The following CCDC93 variants were observed in gnomAD, a reference collection of about 807,000 sequenced individuals.
The protein encoded by CCDC93 is coiled-coil domain-containing protein 93.
A neutral mutation model predicts 108.2 loss-of-function variants in CCDC93; 61 were observed. The observed-to-expected ratio is 0.56, with a 90% CI of 0.46 to 0.70. The LOEUF (loss-of-function observed/expected upper bound fraction) is 0.70, where lower values mean the gene tolerates loss of function less well. Among genes scored for constraint, CCDC93 ranks in the 30% least tolerant of loss-of-function variants. CCDC93 has a pLI of 0.00. For missense variants in CCDC93, 685 were observed against 764.2 expected (o/e 0.90, Z 1.22); for synonymous variants, 276 against 260.4 (o/e 1.06, Z -0.58).
intron 11 of CCDC93, among the ~76,000 whole-genome samples, chr2:117,959,488 G>A (rs1573489969): frequency 6.6e-6 from 1 of 152,188 alleles, no homozygotes; most frequent in Non-Finnish European, 1.5e-5. Context: ...TCCTAGGCTT[G>A]AAAGTCTAAG....
chr2:117,968,651 A>G (rs1446916204), intron 11 of CCDC93, among the ~76,000 whole-genome samples: 1 of 152,208 alleles, frequency 6.6e-6, no homozygotes, highest in Non-Finnish European at 1.5e-5. Context: ...AATACTGCAC[A>G]TGTTTTTTAC....
In CCDC93 at chr2:117,994,364, G is replaced by GT. The variant is rs375500543; in HGVS notation, c.519+1081dup. 3.2e-3 allele frequency among the ~76,000 whole-genome samples: 487 copies of GT among 152,224 alleles called. 5 individuals are homozygous for GT. The highest frequency in any genetic ancestry group is 0.011 in the African/African-American group (462 of 41,546). ...AATACTGCCACCAAATCTGAAAACA[G>GT]TATCTGGCTTTTGAGTGTCACCTTC... is the stretch of plus-strand genomic sequence containing the variant. On this transcript the variant is annotated intron_variant, in intron 6 of 23. Coordinates refer to ENST00000376300, the MANE Select transcript of CCDC93 (RefSeq NM_019044.5).
At chr2:117,929,421 G>T (rs568481338) in intron 23 of CCDC93, among the ~76,000 whole-genome samples, 1 of 152,308 alleles carries the variant, frequency 6.6e-6, no homozygotes, top group Admixed American at 6.5e-5. Context: ...GCCAGCACAG[G>T]TGGGAACCCA....
At chr2:117,988,257 G>A (rs1243997643) in intron 6 of CCDC93, among the ~76,000 whole-genome samples, 1 of 152,058 alleles carries the variant, frequency 6.6e-6, no homozygotes, top group African/African-American at 2.4e-5. Context: ...GCTCTACTTT[G>A]CCTGTCTGGG....
At chr2:117,924,194 A>T (rs1028948290) in intron 23 of CCDC93, among the ~76,000 whole-genome samples, 9 of 152,218 alleles carry the variant, frequency 5.9e-5, no homozygotes, top group African/African-American at 2.2e-4. Context: ...CAGAGCAGAA[A>T]AACTGGAAAC....
chr2:118,005,179 T>G (rs776844419), intron 3 of CCDC93, among the ~76,000 whole-genome samples: 1 of 152,122 alleles, frequency 6.6e-6, no homozygotes, highest in East Asian at 1.9e-4. Flanking sequence ...TGTTCCCATA[T>G]CTATTAAAAG....
intron 3 of CCDC93, among the ~76,000 whole-genome samples, chr2:118,004,800 T>C (rs895145575): frequency 2.6e-5 from 4 of 152,184 alleles, no homozygotes; most frequent in Non-Finnish European, 5.9e-5. Context: ...GAGACACACA[T>C]CAAGCACTTA....
At chr2:117,958,239 A>T (rs1049845269) in intron 12 of CCDC93, 126 bp downstream of exon 12, 14 of 645,668 alleles carry the variant, frequency 2.2e-5, no homozygotes, top group Non-Finnish European at 3.6e-5. Context: ...ATAAAACTTA[A>T]TTTACAAAAA....
rs753167698 is a variant in CCDC93, at chr2:117,944,061, A to G, written c.1376T>C (p.Met459Thr). Residue 459 changes from methionine to threonine, a missense_variant, in exon 18 of 24, where the codon ATG (methionine) becomes ACG (threonine). Transcript: ENST00000376300. ...HDEDLDRRYN[M>T]EKEKLYKIRL... ...TATCTTGTAAAGTTTCTCTTTCTCC[A>G]TATTATACCGTCTGTCTAGGTCTTC... The G allele has an allele frequency of 6.9e-6, 11 of 1,605,554 alleles. No individual in the cohort carries two copies. The South Asian group carries it at 1.1e-4, about 17-fold the overall frequency.
Position 117,995,438 on chromosome 2 carries a change from G to A in CCDC93, c.519+8C>T, listed in dbSNP as rs369601511. ...ACTCTGACAGAAGAATACGGCCAGG[G>A]GACTTACTGAGAGGTCCACAACTGT... is the stretch of plus-strand genomic sequence containing the variant. On this transcript the variant is annotated splice_region_variant and intron_variant, in intron 6 of 23. Transcript: ENST00000376300. 13 of 1,606,386 alleles carry A rather than the reference G, an allele frequency of 8.1e-6. No individual in the cohort carries two copies. The highest frequency in any genetic ancestry group is 1.1e-5 in the Non-Finnish European group (13 of 1,173,112).
intron 12 of CCDC93, among the ~76,000 whole-genome samples, chr2:117,955,064 G>A (rs890223162): frequency 2.6e-5 from 4 of 152,140 alleles, no homozygotes; most frequent in African/African-American, 4.8e-5. Flanking sequence ...AGCAGGGTGA[G>A]AATGGACTAA....
At chr2:117,930,941 G>A in intron 23 of CCDC93, 96 bp downstream of exon 23, 1 of 741,242 alleles carries the variant, frequency 1.3e-6, no homozygotes, top group South Asian at 1.8e-5. Context: ...TCACAGACCA[G>A]AGGAAAACCA....
intron 12 of CCDC93, among the ~76,000 whole-genome samples, chr2:117,957,508 T>C (rs932023321): frequency 6.6e-6 from 1 of 152,326 alleles, no homozygotes; most frequent in East Asian, 1.9e-4. Context: ...CTGAATTCCT[T>C]CTCACCCAAG....
chr2:117,925,463 G>A (rs972632966), intron 23 of CCDC93, among the ~76,000 whole-genome samples: 1 of 152,112 alleles, frequency 6.6e-6, no homozygotes, highest in Non-Finnish European at 1.5e-5. Context: ...AAAGGCAGGG[G>A]TTGCAATCCT....
intron 22 of CCDC93, among the ~76,000 whole-genome samples, chr2:117,932,735 A>G (rs75423336): frequency 5.3e-5 from 8 of 152,294 alleles, no homozygotes; most frequent in Admixed American, 1.3e-4. Context: ...TGCTGCCTGC[A>G]TGGGTCTCTG....
intron 12 of CCDC93, among the ~76,000 whole-genome samples, chr2:117,958,161 C>G (rs939082606): frequency 1.3e-5 from 2 of 152,192 alleles, no homozygotes; most frequent in Non-Finnish European, 2.9e-5. Flanking sequence ...TGCAACTACT[C>G]AACTCTGCCA....
At chr2:117,925,366 T>G (rs1029313149) in intron 23 of CCDC93, among the ~76,000 whole-genome samples, 5 of 152,250 alleles carry the variant, frequency 3.3e-5, no homozygotes, top group Admixed American at 6.5e-5. Context: ...TGTGCTGTAT[T>G]TAGGAAACCC....
In CCDC93 at chr2:117,941,312, G is replaced by A; in HGVS notation, c.1414-15C>T. ...TTTCTTCGAGCCTAAATGCAAAAGG[G>A]AGACAGAGACAGTACTATTTGGTAA... On this transcript the variant is annotated splice_polypyrimidine_tract_variant and intron_variant, in intron 18 of 23. Coordinates refer to ENST00000376300, the MANE Select transcript of CCDC93 (RefSeq NM_019044.5). 2.5e-6 allele frequency: 4 copies of A among 1,593,902 alleles called. No homozygotes were observed. Among genetic ancestry groups the A allele is most frequent in the Non-Finnish European group, 3.4e-6 (4 of 1,161,616 alleles).
intron 19 of CCDC93, among the ~76,000 whole-genome samples, chr2:117,939,496 A>G (rs1678630660): frequency 6.6e-6 from 1 of 152,248 alleles, no homozygotes; most frequent in Non-Finnish European, 1.5e-5. Flanking sequence ...TGTCTTTATC[A>G]GATGATTTTA....
Sources: gnomAD v4.1 joint callset for allele counts (sites outside exome capture counted in the v4.1 genomes callset) on GRCh38, gnomAD v4.1.1 for gene constraint, MANE v1.5 for transcripts, NCBI Gene and HGNC (gene_info 2026-07-23, HGNC 2026-07-21) for gene names.